Variants in RELN observed in about 807,000 individuals in gnomAD.
RELN encodes the protein reelin.
Under a neutral mutation model 427.6 loss-of-function variants are expected in RELN, and 108 were observed. That is an observed-to-expected ratio of 0.25 (90% CI 0.22 to 0.30). The LOEUF is 0.30. RELN is among the 10% of genes least tolerant of loss of function. The pLI, the probability that RELN is intolerant of heterozygous loss-of-function variation, is 1.00. For synonymous variants in RELN, 1,524 were observed against 1,513.4 expected, an observed-to-expected ratio of 1.01 and a Z score of -0.16; for missense variants, 3,715 against 4,302.8, an observed-to-expected ratio of 0.86 and a Z score of 3.82.
At chr7:103,782,636 C>T (rs886065517) in intron 3 of RELN, among the ~76,000 whole-genome samples, 8 of 152,032 alleles carry the variant, frequency 5.3e-5, no homozygotes, top group Non-Finnish European at 7.4e-5. Flanking sequence ...ATATTTTTGA[C>T]TTATATTTGT....
chr7:103,641,678 T>C (rs1401384533), intron 16 of RELN, among the ~76,000 whole-genome samples: 1 of 152,150 alleles, frequency 6.6e-6, no homozygotes, highest in African/African-American at 2.4e-5. Flanking sequence ...TAAAGAAACA[T>C]ATTATGCTTA....
At chr7:103,976,103 G>A (rs1039573600) in intron 1 of RELN, among the ~76,000 whole-genome samples, 7 of 152,192 alleles carry the variant, frequency 4.6e-5, no homozygotes, top group African/African-American at 1.7e-4. Context: ...CAAAGAGGCA[G>A]GTGCTACAGG....
At chr7:103,594,778 A>T (rs888590175) in intron 25 of RELN, among the ~76,000 whole-genome samples, 5 of 152,332 alleles carry the variant, frequency 3.3e-5, no homozygotes, top group African/African-American at 1.2e-4. Flanking sequence ...CTACCATGAC[A>T]ATGGTCATAA....
At chr7:103,846,874 C>T (rs1793691645) in intron 2 of RELN, among the ~76,000 whole-genome samples, 1 of 149,200 alleles carries the variant, frequency 6.7e-6, no homozygotes, top group South Asian at 2.2e-4. Flanking sequence ...CAGTGCGATG[C>T]CATCTCATGC....
At chr7:103,600,639 T>A (rs362677) in intron 24 of RELN, among the ~76,000 whole-genome samples, 5,538 of 152,278 alleles carry the variant, frequency 0.036, 344 homozygotes, top group African/African-American at 0.13. Flanking sequence ...CCCTTTTTTT[T>A]ACTTAAGATA....
At chr7:103,625,272 G>A (rs1832305418) in intron 20 of RELN, among the ~76,000 whole-genome samples, 1 of 152,152 alleles carries the variant, frequency 6.6e-6, no homozygotes, top group Admixed American at 6.5e-5. Flanking sequence ...GTGTAGTGAT[G>A]GTGATTGGCA....
chr7:103,959,392 C>A (rs980547825), intron 1 of RELN, among the ~76,000 whole-genome samples: 3 of 152,204 alleles, frequency 2.0e-5, no homozygotes, highest in South Asian at 2.1e-4. Context: ...CCAAACCCCT[C>A]CCAAGAATTC....
intron 1 of RELN, among the ~76,000 whole-genome samples, chr7:103,936,655 C>T (rs1795991160): frequency 6.6e-6 from 1 of 151,062 alleles, no homozygotes; most frequent in Non-Finnish European, 1.5e-5. Flanking sequence ...CTTTTCCCTC[C>T]CCCAACTTTT....
chr7:103,934,625 T>G (rs977197763), intron 1 of RELN, among the ~76,000 whole-genome samples: 2 of 152,186 alleles, frequency 1.3e-5, no homozygotes, highest in African/African-American at 4.8e-5. Context: ...CCCACACTGA[T>G]AGACAATGAA....
At chr7:103,815,921 A>T (rs1468044098) in intron 3 of RELN, among the ~76,000 whole-genome samples, 1 of 152,240 alleles carries the variant, frequency 6.6e-6, no homozygotes, top group Admixed American at 6.5e-5. Context: ...ATCTTTCATT[A>T]AAAACACTTA....
chr7:103,763,121 A>T (rs369373054), intron 4 of RELN, among the ~76,000 whole-genome samples: 3 of 152,234 alleles, frequency 2.0e-5, no homozygotes, highest in African/African-American at 4.8e-5. Flanking sequence ...GCAATAAAGC[A>T]AACATCATCT....
chr7:103,751,493 C>G (rs1791000280), intron 5 of RELN, among the ~76,000 whole-genome samples: 1 of 152,208 alleles, frequency 6.6e-6, no homozygotes, highest in African/African-American at 2.4e-5. Flanking sequence ...GACGCGAAGC[C>G]TCAGGCATGA....
intron 1 of RELN, among the ~76,000 whole-genome samples, chr7:103,981,542 A>T (rs919798969): frequency 3.3e-5 from 5 of 152,210 alleles, no homozygotes; most frequent in Non-Finnish European, 5.9e-5. Context: ...CTGACCTAAA[A>T]GCAAATGTTA....
At chr7:103,957,421 C>T (rs954637375) in intron 1 of RELN, among the ~76,000 whole-genome samples, 1 of 152,100 alleles carries the variant, frequency 6.6e-6, no homozygotes, top group African/African-American at 2.4e-5. Context: ...AACAACAGTC[C>T]TTTAACATGT....
intron 3 of RELN, among the ~76,000 whole-genome samples, chr7:103,816,530 A>AACACACACACACACACACAC (rs57873981): frequency 0.025 from 3,656 of 143,604 alleles, 88 homozygotes; most frequent in Non-Finnish European, 0.036. Context: ...TTTCTCTAGA[A>AACACACACACACACACACAC]ACACACACAC....
At chr7:103,914,147 G>A (rs745918847) in intron 2 of RELN, among the ~76,000 whole-genome samples, 1 of 152,046 alleles carries the variant, frequency 6.6e-6, no homozygotes, top group Non-Finnish European at 1.5e-5. Flanking sequence ...TTGAAGACCA[G>A]GTCTCTTAAA....
rs74805847 is a variant in RELN, at chr7:103,774,482, G to C, written c.544+2075C>G. On this transcript the variant is annotated intron_variant, in intron 4 of 64. Transcript: ENST00000428762. ...CCACAGAAAAAAGTTTGCTTTGCTTGAATTGTTTAATTTAATTAAAATCAA... is the reference window on the plus strand; with the variant it reads ...CCACAGAAAAAAGTTTGCTTTGCTTCAATTGTTTAATTTAATTAAAATCAA... 1.0e-3 allele frequency among the ~76,000 whole-genome samples: 158 copies of C among 152,142 alleles called. 1 individual carries two copies. The East Asian group carries it at 0.026, about 26-fold the overall frequency.
At chr7:103,948,295 A>C (rs1796260150) in intron 1 of RELN, among the ~76,000 whole-genome samples, 1 of 152,176 alleles carries the variant, frequency 6.6e-6, no homozygotes, top group African/African-American at 2.4e-5. Context: ...ACACACACAC[A>C]TATACTTACT....
chr7:103,810,693 C>T lies in RELN; in HGVS notation c.473+22844G>A, dbSNP rs147265683. Among the ~76,000 whole-genome samples the T allele has an allele frequency of 1.4e-4, 21 of 152,232 alleles. No individual in the cohort carries two copies. In the East Asian group the frequency reaches 4.1e-3, roughly 29 times the overall value. On this transcript the variant is annotated intron_variant, in intron 3 of 64. Transcript: ENST00000428762. ...AAAACAAAAACAAAAAACCTTGCCT[C>T]TTCTGAATGGATTACAGTGCATGTG...
Sources: allele counts gnomAD v4.1 joint callset (sites outside exome capture counted in the v4.1 genomes callset), GRCh38; gene constraint gnomAD v4.1.1; transcripts MANE v1.5; gene names NCBI Gene and HGNC (gene_info 2026-07-23, HGNC 2026-07-21).